PRKCE: variants seen among roughly 807,000 people sequenced by gnomAD.
The protein encoded by PRKCE is protein kinase C epsilon.
Under a neutral mutation model 85.4 loss-of-function variants are expected in PRKCE, and 16 were observed. The observed-to-expected ratio is 0.19, with a 90% confidence interval of 0.13 to 0.28. The LOEUF (loss-of-function observed/expected upper bound fraction) is 0.28, where lower values mean the gene tolerates loss of function less well. Among genes scored for constraint, PRKCE ranks in the 10% least tolerant of loss-of-function variants. The probability of loss-of-function intolerance (pLI) is 1.00; values close to 1 mark genes in which losing one functional copy is unlikely to be tolerated. For missense variants in PRKCE, 573 were observed against 975.2 expected (o/e 0.59, Z 5.49); for synonymous variants, 388 against 371.5 (o/e 1.04, Z -0.51).
intron 1 of PRKCE, among the ~76,000 whole-genome samples, chr2:45,819,559 C>T (rs967137919): frequency 6.6e-6 from 1 of 152,220 alleles, no homozygotes; most frequent in Non-Finnish European, 1.5e-5. Flanking sequence ...GCCAAACTGA[C>T]TGGTTGTTCC....
intron 14 of PRKCE, among the ~76,000 whole-genome samples, chr2:46,179,408 G>C (rs917812635): frequency 6.6e-6 from 1 of 152,048 alleles, no homozygotes; most frequent in Non-Finnish European, 1.5e-5. Flanking sequence ...AGCTGCCTGA[G>C]CTCTGAGGCA....
rs146958598 is a variant in PRKCE at position 45,870,091 on chromosome 2, G to A, written c.412+27028G>A. Among the ~76,000 whole-genome samples the A allele has an allele frequency of 9.9e-5, 15 of 152,270 alleles. No homozygotes were observed. In the East Asian group the frequency reaches 2.7e-3, roughly 27 times the overall value. Reference sequence around the variant, plus strand: ...CTGCAGTGTCCTTCCCTGCAAGCCAGGTCATTTGGATTTGCCTTCCCATCA... The same window carrying A: ...CTGCAGTGTCCTTCCCTGCAAGCCAAGTCATTTGGATTTGCCTTCCCATCA... On this transcript the variant is annotated intron_variant, in intron 2 of 14. Transcript: ENST00000306156.
At chr2:46,104,137 T>C (rs1347913634) in intron 11 of PRKCE, among the ~76,000 whole-genome samples, 1 of 152,200 alleles carries the variant, frequency 6.6e-6, no homozygotes, top group Non-Finnish European at 1.5e-5. Flanking sequence ...TGTCAGTTTT[T>C]ATTCTGGCAC....
intron 1 of PRKCE, among the ~76,000 whole-genome samples, chr2:45,663,762 G>A (rs868306993): frequency 7.2e-5 from 11 of 151,806 alleles, no homozygotes; most frequent in Non-Finnish European, 1.3e-4. Flanking sequence ...TAGCCTGGGT[G>A]ACAGAGCGAG....
intron 1 of PRKCE, among the ~76,000 whole-genome samples, chr2:45,791,579 T>A (rs373798961): frequency 1.3e-5 from 2 of 152,256 alleles, no homozygotes; most frequent in African/African-American, 4.8e-5. Flanking sequence ...ATGGGGTCAA[T>A]TGATTGATCT....
At chr2:45,882,126 G>T (rs1694934302) in intron 2 of PRKCE, among the ~76,000 whole-genome samples, 1 of 152,204 alleles carries the variant, frequency 6.6e-6, no homozygotes, top group African/African-American at 2.4e-5. Flanking sequence ...CTGCTTTGGT[G>T]ACTTGTCTTA....
intron 5 of PRKCE, among the ~76,000 whole-genome samples, chr2:45,982,873 T>A (rs1196857476): frequency 1.3e-5 from 2 of 152,190 alleles, no homozygotes; most frequent in East Asian, 3.9e-4. Flanking sequence ...TTTTTCGCCT[T>A]AGTCTGTCAT....
rs1680524705 is a variant in PRKCE at position 46,187,452 on chromosome 2, C to T, written c.*2571C>T. ...AAGGCTTGCGTGTTCGTTGAGTAAT[C>T]ATTGTTTCATTTTCATTTTTACGAG... On this transcript the variant is annotated 3_prime_UTR_variant, in exon 15 of 15. Transcript: ENST00000306156. The T allele has an allele frequency of 6.6e-6, 1 of 152,468 alleles. No individual in the cohort carries two copies. The highest frequency in any genetic ancestry group is 1.5e-5 in the Non-Finnish European group (1 of 68,020). 9.4% of individuals were successfully genotyped at this position (152,468 alleles called of 1,614,324 possible).
At chr2:45,758,570 A>G (rs1054039822) in intron 1 of PRKCE, among the ~76,000 whole-genome samples, 1 of 152,110 alleles carries the variant, frequency 6.6e-6, no homozygotes, top group African/African-American at 2.4e-5. Context: ...TCTGTGCCCA[A>G]ATGTTACCCC....
chr2:46,089,966 T>C lies in PRKCE; in HGVS notation c.1592+3604T>C, dbSNP rs1418777166. On this transcript the variant is annotated intron_variant, in intron 11 of 14. Transcript: ENST00000306156. The stretch of plus-strand genomic sequence containing the variant: ...TGTGTCTGCATCAGTGGTTCCCAGA[T>C]TGCATCCAAGATCTGACTGCCTCAG... Among the ~76,000 whole-genome samples, 3 of 152,130 alleles carry C rather than the reference T, an allele frequency of 2.0e-5. No individual in the cohort carries two copies. In the East Asian group the frequency reaches 5.8e-4, roughly 29 times the overall value.
chr2:46,146,313 A>T (rs1676066743), intron 12 of PRKCE, among the ~76,000 whole-genome samples: 1 of 152,270 alleles, frequency 6.6e-6, no homozygotes, highest in Non-Finnish European at 1.5e-5. Context: ...GCGGATAGGT[A>T]TTAGCACATT....
chr2:45,753,819 C>T (rs1210209531), intron 1 of PRKCE, among the ~76,000 whole-genome samples: 1 of 152,122 alleles, frequency 6.6e-6, no homozygotes, highest in Non-Finnish European at 1.5e-5. Flanking sequence ...CTAACATTCC[C>T]CTCCAGGCAT....
intron 1 of PRKCE, among the ~76,000 whole-genome samples, chr2:45,746,380 G>C (rs545838008): frequency 1.3e-5 from 2 of 152,162 alleles, no homozygotes; most frequent in Non-Finnish European, 2.9e-5. Context: ...CAGCCTTTCT[G>C]GTCCTCACTG....
chr2:45,672,926 C>G (rs1318504935), intron 1 of PRKCE, among the ~76,000 whole-genome samples: 2 of 152,080 alleles, frequency 1.3e-5, no homozygotes, highest in East Asian at 1.9e-4. Flanking sequence ...CTCCAGGAGG[C>G]TGAGGCAGGA....
At chr2:45,694,202 C>T (rs1318367360) in intron 1 of PRKCE, among the ~76,000 whole-genome samples, 2 of 150,498 alleles carry the variant, frequency 1.3e-5, no homozygotes, top group African/African-American at 2.5e-5. Context: ...CTTTCTCTAG[C>T]GTCAAGTATT....
chr2:45,926,014 A>T (rs930977921), intron 2 of PRKCE, among the ~76,000 whole-genome samples: 1 of 152,228 alleles, frequency 6.6e-6, no homozygotes, highest in Admixed American at 6.5e-5. Context: ...TGAATATTCG[A>T]AGCCTCAGTG....
At chr2:45,696,398 A>G (rs17323302) in intron 1 of PRKCE, among the ~76,000 whole-genome samples, 5,321 of 152,136 alleles carry the variant, frequency 0.035, 147 homozygotes, top group Non-Finnish European at 0.053. Context: ...CAAAAGAGCC[A>G]CCTTGTTTTA....
At chr2:45,832,376 A>G (rs1690502314) in intron 1 of PRKCE, among the ~76,000 whole-genome samples, 1 of 145,756 alleles carries the variant, frequency 6.9e-6, no homozygotes, top group Non-Finnish European at 1.5e-5. Context: ...GCAGGGAGGC[A>G]ATTTTGGCTC....
At chr2:45,865,815 C>CTTCTTCTTCTTTTTTTT (rs779577778) in intron 2 of PRKCE, among the ~76,000 whole-genome samples, 1 of 133,668 alleles carries the variant, frequency 7.5e-6, no homozygotes, top group African/African-American at 2.8e-5. Flanking sequence ...TCTTCTTCTT[C>CTTCTTCTTCTTTTTTTT]TTTTTTTTTT....
Sources: allele counts gnomAD v4.1 joint callset (sites outside exome capture counted in the v4.1 genomes callset), GRCh38; gene constraint gnomAD v4.1.1; transcripts MANE v1.5; gene names NCBI Gene and HGNC (gene_info 2026-07-23, HGNC 2026-07-21).